The following ABI2 variants were observed in gnomAD, a reference collection of about 807,000 sequenced individuals.
ABI2 encodes the protein abl interactor 2, also known as abelson interactor 2.
Under a neutral mutation model 59.2 loss-of-function variants are expected in ABI2, and 25 were observed. The observed-to-expected ratio is 0.42, with a 90% CI of 0.31 to 0.59. The LOEUF (loss-of-function observed/expected upper bound fraction) is 0.59, where lower values mean the gene tolerates loss of function less well. ABI2 is among the 20% of genes least tolerant of loss of function. ABI2 has a pLI of 0.14. For missense variants in ABI2, 545 were observed against 681.8 expected (o/e 0.80, Z 2.23); for synonymous variants, 213 against 235.5 (o/e 0.90, Z 0.87).
intron 2 of ABI2, among the ~76,000 whole-genome samples, chr2:203,374,605 A>G (rs1182851117): frequency 1.3e-5 from 2 of 151,868 alleles, no homozygotes; most frequent in Admixed American, 6.6e-5. Context: ...ATACTTCCCA[A>G]TTAATTTCCT....
intron 2 of ABI2, among the ~76,000 whole-genome samples, chr2:203,374,498 C>CAAAAAAAAAA (rs777951265): frequency 1.9e-5 from 1 of 53,838 alleles, no homozygotes; most frequent in African/African-American, 7.3e-5. Context: ...GACTCTGTCT[C>CAAAAAAAAAA]AAAAAAAAAA....
chr2:203,399,537 CAG>C (rs2097138445), intron 8 of ABI2, among the ~76,000 whole-genome samples: 1 of 151,920 alleles, frequency 6.6e-6, no homozygotes, highest in Non-Finnish European at 1.5e-5. Flanking sequence ...GGCGGGCGGA[CAG>C]AGTTTCACTC....
At chr2:203,420,365 C>T (rs1489001267) in intron 11 of ABI2, among the ~76,000 whole-genome samples, 2 of 149,904 alleles carry the variant, frequency 1.3e-5, no homozygotes, top group East Asian at 3.9e-4. Context: ...TGTCAGATAA[C>T]ATTTCTGTCT....
intron 1 of ABI2, among the ~76,000 whole-genome samples, chr2:203,337,968 T>C (rs1439117908): frequency 6.6e-6 from 1 of 152,196 alleles, no homozygotes; most frequent in Non-Finnish European, 1.5e-5. Context: ...AAGTGGAGGT[T>C]GCAGTGAGCT....
chr2:203,410,921 A>T (rs2097643025), intron 9 of ABI2, among the ~76,000 whole-genome samples: 1 of 151,558 alleles, frequency 6.6e-6, no homozygotes, highest in African/African-American at 2.4e-5. Flanking sequence ...TTGAGAAGGC[A>T]TGATGTTAAT....
At chr2:203,387,264 A>G (rs2096567716) in intron 4 of ABI2, among the ~76,000 whole-genome samples, 1 of 152,128 alleles carries the variant, frequency 6.6e-6, no homozygotes, top group African/African-American at 2.4e-5. Context: ...TCCAGGCATG[A>G]TATTTGTAAT....
intron 3 of ABI2, among the ~76,000 whole-genome samples, chr2:203,381,275 A>T (rs2096108463): frequency 6.6e-6 from 1 of 152,180 alleles, no homozygotes; most frequent in Non-Finnish European, 1.5e-5. Context: ...CTGGAATATG[A>T]TATTTAATTT....
chr2:203,396,019 C>T (rs1318558865), intron 7 of ABI2, among the ~76,000 whole-genome samples: 1 of 152,154 alleles, frequency 6.6e-6, no homozygotes, highest in East Asian at 1.9e-4. Context: ...TTTCAGATCA[C>T]ACTTTGTTAT....
chr2:203,375,823 A>C (rs1371003975), intron 2 of ABI2: 4 of 333,070 alleles, frequency 1.2e-5, no homozygotes, highest in African/African-American at 2.1e-5. Context: ...GACCAACCTG[A>C]GAATCTTCTG....
chr2:203,341,435 C>T (rs906675002), intron 1 of ABI2, among the ~76,000 whole-genome samples: 1 of 152,158 alleles, frequency 6.6e-6, no homozygotes, highest in African/African-American at 2.4e-5. Context: ...TAGTTTTGGG[C>T]CAGGCTCAGT....
chr2:203,427,096 G>A, intron 11 of ABI2, 81 bp from the exon 12 acceptor site: 5 of 1,250,778 alleles, frequency 4.0e-6, no homozygotes, highest in Non-Finnish European at 5.7e-6. Flanking sequence ...TTTGGGAACA[G>A]ATAGCTATTC....
At position 203,429,292 on chromosome 2, in the gene ABI2, C is replaced by G. The variant is rs2098464276; in HGVS notation, c.*1940C>G. On this transcript the variant is annotated 3_prime_UTR_variant, in exon 12 of 12. Transcript: ENST00000261018. The stretch of plus-strand genomic sequence containing the variant: ...CTGAATGTCCTCTGAGCCTTCAGCT[C>G]CATTATGGACCCAAACTAGACTATA... 1 of 152,136 alleles carries G rather than the reference C, an allele frequency of 6.6e-6. No homozygotes were observed. Among genetic ancestry groups the G allele is most frequent in the Non-Finnish European group, 1.5e-5 (1 of 68,042 alleles). The allele number at this position is 152,136 out of a possible 1,614,324, so 9.4% of individuals were successfully genotyped here. A position where few individuals can be genotyped will look rare whatever the true frequency, so the allele number is the denominator to read the frequency against.
chr2:203,346,032 G>A (rs1016486542), intron 1 of ABI2, among the ~76,000 whole-genome samples: 2 of 150,282 alleles, frequency 1.3e-5, no homozygotes, highest in Non-Finnish European at 3.0e-5. Context: ...ATACACACGC[G>A]CACACACACA....
intron 1 of ABI2, among the ~76,000 whole-genome samples, chr2:203,353,780 G>T (rs2090332147): frequency 6.6e-6 from 1 of 152,162 alleles, no homozygotes; most frequent in Admixed American, 6.5e-5. Context: ...TTACAGGCGT[G>T]AGCCACCATG....
chr2:203,387,521 A>G (rs192624257), intron 4 of ABI2, among the ~76,000 whole-genome samples: 3 of 152,290 alleles, frequency 2.0e-5, no homozygotes. Flanking sequence ...CATCACCTAA[A>G]TGAAATATTT....
At chr2:203,414,575 C>T (rs2097815624) in intron 10 of ABI2, among the ~76,000 whole-genome samples, 1 of 152,216 alleles carries the variant, frequency 6.6e-6, no homozygotes, top group African/African-American at 2.4e-5. Flanking sequence ...GCACACACTA[C>T]ACTCAATTGT....
chr2:203,384,650 A>G (rs2096382414), intron 4 of ABI2, among the ~76,000 whole-genome samples: 1 of 151,760 alleles, frequency 6.6e-6, no homozygotes, highest in Non-Finnish European at 1.5e-5. Context: ...AGACCCTGTT[A>G]CTGAGGTCAG....
intron 3 of ABI2, 113 bp downstream of exon 3, chr2:203,380,497 C>A: frequency 3.1e-6 from 2 of 646,690 alleles, no homozygotes; most frequent in Non-Finnish European, 4.8e-6. Flanking sequence ...AGTCTTGGCC[C>A]AGTTGTGGTT....
At chr2:203,357,981 C>A (rs1486183754) in intron 1 of ABI2, among the ~76,000 whole-genome samples, 1 of 151,734 alleles carries the variant, frequency 6.6e-6, no homozygotes, top group Non-Finnish European at 1.5e-5. Context: ...ATTGACCAGG[C>A]TGTCTCGAAC....
Sources: allele counts gnomAD v4.1 joint callset (sites outside exome capture counted in the v4.1 genomes callset), GRCh38; gene constraint gnomAD v4.1.1; transcripts MANE v1.5; gene names NCBI Gene and HGNC (gene_info 2026-07-23, HGNC 2026-07-21).